NFIB: variants seen among roughly 807,000 people sequenced by gnomAD.
NFIB encodes the protein nuclear factor 1 B-type.
In NFIB, 11 loss-of-function variants were observed where a neutral mutation model predicts 61.5. The ratio of observed to expected loss-of-function variants is 0.18; its 90% confidence interval spans 0.11 to 0.30. The LOEUF is 0.30. Among genes scored for constraint, NFIB ranks in the 10% least tolerant of loss-of-function variants. NFIB has a pLI of 1.00. For synonymous variants in NFIB, 260 were observed against 216.5 expected, an observed-to-expected ratio of 1.20 and a Z score of -1.76; for missense variants, 471 against 608.9, an observed-to-expected ratio of 0.77 and a Z score of 2.38.
At chr9:14,529,046 G>A in the NFIB span, among the ~76,000 whole-genome samples, 2 of 152,118 alleles carry the variant, frequency 1.3e-5, no homozygotes, top group African/African-American at 4.8e-5. Context: ...ATAAGGATGC[G>A]TCATTTTAAA....
the NFIB span, among the ~76,000 whole-genome samples, chr9:14,418,278 A>G: frequency 6.6e-6 from 1 of 152,200 alleles, no homozygotes; most frequent in Non-Finnish European, 1.5e-5. Context: ...CGAAAAAAGC[A>G]TCTCACAGCC....
chr9:14,525,138 G>C, the NFIB span, among the ~76,000 whole-genome samples: 1 of 152,160 alleles, frequency 6.6e-6, no homozygotes, highest in Non-Finnish European at 1.5e-5. Flanking sequence ...ACAGTTCTCA[G>C]ACACAGCTCT....
At chr9:14,300,403 A>C (rs2059687120) in intron 2 of NFIB, among the ~76,000 whole-genome samples, 1 of 152,238 alleles carries the variant, frequency 6.6e-6, no homozygotes, top group Non-Finnish European at 1.5e-5. Flanking sequence ...CCGCCATAGC[A>C]CATACATAGG....
chr9:14,306,906 A>T, intron 2 of NFIB, 83 bp downstream of exon 2: 1 of 1,544,366 alleles, frequency 6.5e-7, no homozygotes, highest in Non-Finnish European at 8.8e-7. Context: ...CTTGAGGACC[A>T]TCTAACTCAA....
At chr9:14,104,248 T>C (rs901458232) in intron 10 of NFIB, among the ~76,000 whole-genome samples, 1 of 151,736 alleles carries the variant, frequency 6.6e-6, no homozygotes, top group African/African-American at 2.4e-5. Flanking sequence ...AATACTCACA[T>C]GAAGGAAAAA....
chr9:14,113,451 A>G (rs989318652), intron 9 of NFIB, among the ~76,000 whole-genome samples: 1 of 152,204 alleles, frequency 6.6e-6, no homozygotes, highest in Non-Finnish European at 1.5e-5. Flanking sequence ...AAAATAATCA[A>G]TGATGGTATA....
chr9:14,103,334 A>C lies in NFIB; in HGVS notation c.1467+9665T>G, dbSNP rs1395220516. On this transcript the variant is annotated intron_variant, in intron 10 of 10. Transcript: ENST00000380953. ...TTTTTATTCTTAAGAAAGTAAACTTATCTGGGTTGGGGGGGGGGAAACACA... is the reference window on the plus strand; with the variant it reads ...TTTTTATTCTTAAGAAAGTAAACTTCTCTGGGTTGGGGGGGGGGAAACACA... Among the ~76,000 whole-genome samples the C allele has an allele frequency of 2.2e-5, 3 of 139,434 alleles. No homozygotes were observed. In the Admixed American group the frequency reaches 2.2e-4, roughly 10 times the overall value. 91.5% of individuals were successfully genotyped at this position (139,434 alleles called of 152,430 possible). A position where few individuals can be genotyped will look rare whatever the true frequency, so the allele number is the denominator to read the frequency against.
chr9:14,202,614 A>G (rs10961418), intron 2 of NFIB, among the ~76,000 whole-genome samples: 8,659 of 152,244 alleles, frequency 0.057, 475 homozygotes, highest in East Asian at 0.16. Flanking sequence ...TCATCACCAA[A>G]GCAAAGTTTC....
chr9:14,521,048 T>C, the NFIB span, among the ~76,000 whole-genome samples: 2 of 152,164 alleles, frequency 1.3e-5, no homozygotes, highest in African/African-American at 2.4e-5. Context: ...AAAATGAGGC[T>C]GAACAAAAGC....
intron 8 of NFIB, among the ~76,000 whole-genome samples, chr9:14,119,396 C>G (rs2119135738): frequency 6.6e-6 from 1 of 152,132 alleles, no homozygotes; most frequent in South Asian, 2.1e-4. Context: ...GTAATGATAA[C>G]TTTTTAAGTA....
At chr9:14,428,262 GA>G in the NFIB span, among the ~76,000 whole-genome samples, 1 of 151,980 alleles carries the variant, frequency 6.6e-6, no homozygotes, top group Non-Finnish European at 1.5e-5. Flanking sequence ...TTTCTTTAAG[GA>G]AAACATCTTG....
intron 2 of NFIB, among the ~76,000 whole-genome samples, chr9:14,256,746 A>C (rs1323828071): frequency 1.3e-5 from 2 of 152,200 alleles, no homozygotes; most frequent in Non-Finnish European, 2.9e-5. Context: ...GAGAAGGGTG[A>C]GAGGGAGCTG....
At chr9:14,379,775 C>G (rs1027728057) in intron 1 of NFIB, among the ~76,000 whole-genome samples, 6 of 152,058 alleles carry the variant, frequency 3.9e-5, no homozygotes, top group African/African-American at 1.5e-4. Context: ...CTCCGCCTCC[C>G]GGGTTCAAGC....
chr9:14,285,590 T>C (rs765669104), intron 2 of NFIB, among the ~76,000 whole-genome samples: 2 of 152,202 alleles, frequency 1.3e-5, no homozygotes, highest in Non-Finnish European at 2.9e-5. Context: ...GATAACTGCA[T>C]GGATCAAAAT....
intron 2 of NFIB, among the ~76,000 whole-genome samples, chr9:14,305,038 C>T (rs796439112): frequency 1.3e-5 from 2 of 152,118 alleles, no homozygotes; most frequent in Admixed American, 1.3e-4. Context: ...GAACCAACAA[C>T]AAAATCAATG....
chr9:14,500,473 G>A, the NFIB span, among the ~76,000 whole-genome samples: 1 of 152,136 alleles, frequency 6.6e-6, no homozygotes, highest in African/African-American at 2.4e-5. Flanking sequence ...TCTAGTGAGA[G>A]TTGCTCAGGG....
chr9:14,257,514 G>C (rs1563950594), intron 2 of NFIB, among the ~76,000 whole-genome samples: 1 of 152,188 alleles, frequency 6.6e-6, no homozygotes, highest in Non-Finnish European at 1.5e-5. Flanking sequence ...CCAGCACTTT[G>C]GGAGGCCAAG....
At chr9:14,235,240 G>C (rs1455236727) in intron 2 of NFIB, among the ~76,000 whole-genome samples, 1 of 152,000 alleles carries the variant, frequency 6.6e-6, no homozygotes, top group Non-Finnish European at 1.5e-5. Context: ...TTTGATAAAG[G>C]CGATCTGATG....
At chr9:14,413,580 A>T in the NFIB span, among the ~76,000 whole-genome samples, 1 of 152,166 alleles carries the variant, frequency 6.6e-6, no homozygotes, top group Non-Finnish European at 1.5e-5. Context: ...CACTAAAAAC[A>T]TGTTGGCAGA....
Sources: gnomAD v4.1 joint callset for allele counts (sites outside exome capture counted in the v4.1 genomes callset) on GRCh38, gnomAD v4.1.1 for gene constraint, MANE v1.5 for transcripts, NCBI Gene and HGNC (gene_info 2026-07-23, HGNC 2026-07-21) for gene names.